The following SYNPR variants were observed in gnomAD, a reference collection of about 807,000 sequenced individuals.
SYNPR encodes synaptoporin.
A neutral mutation model predicts 32.9 loss-of-function variants in SYNPR; 23 were observed. The ratio of observed to expected loss-of-function variants is 0.70; its 90% CI spans 0.50 to 0.99. The LOEUF (loss-of-function observed/expected upper bound fraction) is 0.99, where lower values mean the gene tolerates loss of function less well. Among genes scored for constraint, SYNPR ranks in the 50% least tolerant of loss-of-function variants. The pLI is 0.00. For missense variants in SYNPR, 318 were observed against 349.3 expected (o/e 0.91, Z 0.71); for synonymous variants, 146 against 135.9 (o/e 1.07, Z -0.52).
intron 2 of SYNPR, among the ~76,000 whole-genome samples, chr3:63,359,816 A>T (rs1365550062): frequency 6.6e-6 from 1 of 152,210 alleles, no homozygotes; most frequent in Non-Finnish European, 1.5e-5. Flanking sequence ...TGGTGGAAAT[A>T]ATAATAACAT....
chr3:63,505,508 C>A (rs369074664), intron 3 of SYNPR, among the ~76,000 whole-genome samples: 10 of 152,094 alleles, frequency 6.6e-5, no homozygotes, highest in East Asian at 3.9e-4. Flanking sequence ...AGAAGGAATG[C>A]TTTTTGGAGC....
chr3:63,363,779 C>G (rs1560205960), intron 2 of SYNPR, among the ~76,000 whole-genome samples: 1 of 152,130 alleles, frequency 6.6e-6, no homozygotes, highest in South Asian at 2.1e-4. Flanking sequence ...ATACTAAGAA[C>G]ACAACCCTAG....
chr3:63,529,324 T>C (rs560869893), intron 3 of SYNPR, among the ~76,000 whole-genome samples: 62 of 152,362 alleles, frequency 4.1e-4, no homozygotes, highest in Non-Finnish European at 7.1e-4. Flanking sequence ...ATAGCTGTTA[T>C]AATGTATTGG....
intron 2 of SYNPR, among the ~76,000 whole-genome samples, chr3:63,335,766 C>CTTT (rs3082128): frequency 0.18 from 15,650 of 87,904 alleles, 2,527 homozygotes; most frequent in Non-Finnish European, 0.26. Context: ...TATTAGCTTC[C>CTTT]TTTTTTTTTT....
At chr3:63,550,880 A>G (rs1206407411) in intron 3 of SYNPR, among the ~76,000 whole-genome samples, 1 of 152,230 alleles carries the variant, frequency 6.6e-6, no homozygotes, top group Non-Finnish European at 1.5e-5. Flanking sequence ...GGGGGCCCCC[A>G]GCTACTTTTC....
intron 4 of SYNPR, among the ~76,000 whole-genome samples, chr3:63,582,335 T>G (rs1703107646): frequency 6.6e-6 from 1 of 152,092 alleles, no homozygotes. Context: ...TTTTAGTAGC[T>G]AATTCCTTTT....
intron 2 of SYNPR, among the ~76,000 whole-genome samples, chr3:63,427,754 T>C (rs1699918529): frequency 6.6e-6 from 1 of 152,232 alleles, no homozygotes; most frequent in South Asian, 2.1e-4. Flanking sequence ...CCAGATCTAC[T>C]GGATCAGAAC....
At chr3:63,613,953 G>C (rs1700241147) in intron 5 of SYNPR, among the ~76,000 whole-genome samples, 1 of 152,124 alleles carries the variant, frequency 6.6e-6, no homozygotes. Context: ...TTCATGTGCT[G>C]CTAAAATATT....
At chr3:63,596,349 C>T (rs1699959521) in intron 4 of SYNPR, among the ~76,000 whole-genome samples, 1 of 143,664 alleles carries the variant, frequency 7.0e-6, no homozygotes, top group Non-Finnish European at 1.5e-5. Context: ...CTTTCTCTTC[C>T]CTATCCTCCT....
At chr3:63,353,912 C>T (rs1293000694) in intron 2 of SYNPR, among the ~76,000 whole-genome samples, 1 of 152,128 alleles carries the variant, frequency 6.6e-6, no homozygotes, top group Non-Finnish European at 1.5e-5. Context: ...TTTGGATCAA[C>T]TAATGCTTTA....
At chr3:63,281,245 A>T (rs1471028922) in intron 2 of SYNPR, among the ~76,000 whole-genome samples, 1 of 152,206 alleles carries the variant, frequency 6.6e-6, no homozygotes, top group Non-Finnish European at 1.5e-5. Context: ...CAAAAATTGT[A>T]AACCGGTAAT....
intron 2 of SYNPR, among the ~76,000 whole-genome samples, chr3:63,304,858 C>A (rs1254865537): frequency 6.6e-6 from 1 of 151,772 alleles, no homozygotes; most frequent in Non-Finnish European, 1.5e-5. Context: ...TGAGACAAAC[C>A]AGTATCCCTG....
Position 63,290,208 on chromosome 3 carries a change from G to A in SYNPR, c.84+11466G>A, listed in dbSNP as rs139786846. On this transcript the variant is annotated intron_variant, in intron 2 of 5. Coordinates refer to ENST00000478300, the MANE Select transcript of SYNPR (RefSeq NM_001130003.2). ...CCCACTACTTGCCTAAAGTCATACA[G>A]CTATAGCTAGTATGTTAAGAGAGCC... is the stretch of plus-strand genomic sequence containing the variant. 2.6e-3 allele frequency among the ~76,000 whole-genome samples: 390 copies of A among 152,116 alleles called. 1 individual carries two copies. Among genetic ancestry groups the A allele is most frequent in the Middle Eastern group, 0.024 (7 of 292 alleles).
At chr3:63,387,762 G>T (rs559657861) in intron 2 of SYNPR, among the ~76,000 whole-genome samples, 1 of 152,162 alleles carries the variant, frequency 6.6e-6, no homozygotes, top group African/African-American at 2.4e-5. Context: ...GCTATTGAGG[G>T]TATTTGGAAT....
At chr3:63,430,879 G>A (rs779447901) in intron 2 of SYNPR, among the ~76,000 whole-genome samples, 3 of 152,160 alleles carry the variant, frequency 2.0e-5, no homozygotes, top group Non-Finnish European at 4.4e-5. Context: ...AAAAGTAAGT[G>A]TTCCATGAGT....
chr3:63,417,948 C>G (rs2107127270), intron 2 of SYNPR, among the ~76,000 whole-genome samples: 1 of 152,354 alleles, frequency 6.6e-6, no homozygotes, highest in East Asian at 1.9e-4. Flanking sequence ...ATTTTCTACA[C>G]TGTCTTGGTG....
rs72881881 is a variant in SYNPR, at chr3:63,355,312, G to C, written c.84+76570G>C. Among the ~76,000 whole-genome samples the C allele has an allele frequency of 2.6e-3, 393 of 150,866 alleles. 3 individuals are homozygous for C. Among genetic ancestry groups the C allele is most frequent in the African/African-American group, 9.2e-3 (375 of 40,982 alleles). ...AAAAAAGTCCCAGGGCAATTGATTC[G>C]ATTTCACCCAATGTTTGACATCAGA... On this transcript the variant is annotated intron_variant, in intron 2 of 5. Transcript: ENST00000478300.
intron 2 of SYNPR, among the ~76,000 whole-genome samples, chr3:63,363,836 T>C (rs894595834): frequency 9.2e-5 from 14 of 152,206 alleles, no homozygotes; most frequent in Non-Finnish European, 7.3e-5. Context: ...AAGACTCATA[T>C]AATACCATTT....
At chr3:63,258,359 A>G (rs1294816051) in intron 2 of SYNPR, among the ~76,000 whole-genome samples, 1 of 152,232 alleles carries the variant, frequency 6.6e-6, no homozygotes, top group Non-Finnish European at 1.5e-5. Context: ...AACAGAAATT[A>G]TGACAAACTG....
Sources: allele counts gnomAD v4.1 joint callset (sites outside exome capture counted in the v4.1 genomes callset), GRCh38; gene constraint gnomAD v4.1.1; transcripts MANE v1.5; gene names NCBI Gene and HGNC (gene_info 2026-07-23, HGNC 2026-07-21).